FAM83B: variants seen among roughly 807,000 people sequenced by gnomAD.
FAM83B encodes the protein scaffolding CK1 anchoring protein B, also known as protein FAM83B.
A neutral mutation model predicts 38.8 loss-of-function variants in FAM83B; 26 were observed. That is an observed-to-expected ratio of 0.67 (90% CI 0.49 to 0.93). FAM83B has a LOEUF of 0.93. FAM83B is among the 40% of genes least tolerant of loss of function. FAM83B has a pLI of 0.00. For missense variants in FAM83B, 1,237 were observed against 1,197.3 expected (o/e 1.03, Z -0.49); for synonymous variants, 419 against 423.1 (o/e 0.99, Z 0.12).
rs562697899 is a variant in FAM83B, at chr6:54,941,318, C to A, written c.2347C>A (p.Pro783Thr). Residue 783 changes from proline to threonine, a missense_variant, in exon 5 of 5, where the codon CCA becomes ACA. Coordinates refer to ENST00000306858, the MANE Select transcript of FAM83B (RefSeq NM_001010872.3). Reference protein sequence around the residue: ...QKLRSLLSLTPDKKENLSKNK... With the variant: ...QKLRSLLSLTTDKKENLSKNK... Reference sequence around the variant, plus strand: ...GTTAAGGTCATTACTTAGCCTTACCCCAGATAAGAAAGAAAATCTATCCAA... The same window carrying A: ...GTTAAGGTCATTACTTAGCCTTACCACAGATAAGAAAGAAAATCTATCCAA... The A allele has an allele frequency of 6.2e-7, 1 of 1,612,358 alleles. No individual in the cohort carries two copies.
At chr6:54,886,024 G>A (rs775510624) in intron 2 of FAM83B, among the ~76,000 whole-genome samples, 1 of 151,764 alleles carries the variant, frequency 6.6e-6, no homozygotes, top group Non-Finnish European at 1.5e-5. Context: ...TTCTTAAAGA[G>A]TTTTTATCAT....
At position 54,940,518 on chromosome 6, in the gene FAM83B, T is replaced by A; in HGVS notation, c.1547T>A (p.Leu516Ter). The A allele has an allele frequency of 1.9e-6, 3 of 1,614,098 alleles. No homozygotes were observed. In the Admixed American group the frequency reaches 5.0e-5, roughly 27 times the overall value. The change falls in exon 5 of 5, where the codon TTA (leucine) becomes TAA (stop). Residue 516 changes from leucine (L) to a stop codon, truncating the protein, a stop_gained. Coordinates refer to ENST00000306858, the MANE Select transcript of FAM83B (RefSeq NM_001010872.3). LOFTEE classifies it low-confidence loss of function (END_TRUNC). The part of the protein sequence containing the change: ...EATPDSNGSA[L>*]GDRFEGYDNP... ...ACACCGGACTCAAATGGATCAGCTT[T>A]AGGTGACCGATTTGAGGGCTATGAT...
chr6:54,872,341 C>T (rs981925609), intron 2 of FAM83B, among the ~76,000 whole-genome samples: 26 of 151,998 alleles, frequency 1.7e-4, no homozygotes, highest in Non-Finnish European at 3.7e-4. Context: ...TTTTGTAAGG[C>T]AACAGTACAA....
chr6:54,874,564 C>G (rs988019326), intron 2 of FAM83B, among the ~76,000 whole-genome samples: 1 of 152,102 alleles, frequency 6.6e-6, no homozygotes, highest in African/African-American at 2.4e-5. Flanking sequence ...CTGTGAACTC[C>G]TCTTATGAAA....
intron 2 of FAM83B, among the ~76,000 whole-genome samples, chr6:54,900,250 G>A (rs907646605): frequency 6.6e-6 from 1 of 152,100 alleles, no homozygotes; most frequent in African/African-American, 2.4e-5. Flanking sequence ...TTAGATCATT[G>A]TCTTTCAGTG....
chr6:54,854,825 T>A, intron 1 of FAM83B, among the ~76,000 whole-genome samples: 1 of 152,192 alleles, frequency 6.6e-6, no homozygotes, highest in East Asian at 1.9e-4. Context: ...GTAGCTAAAA[T>A]ATAAATACAA....
In FAM83B at chr6:54,941,628, C is replaced by T. The variant is rs147144028; in HGVS notation, c.2657C>T (p.Ala886Val). 3.1e-6 allele frequency: 5 copies of T among 1,614,072 alleles called. No homozygotes were observed. The highest frequency in any genetic ancestry group is 4.2e-6 in the Non-Finnish European group (5 of 1,180,008). Residue 886 changes from alanine to valine, a missense_variant, in exon 5 of 5, where the codon GCC (alanine) becomes GTC (valine). Physicochemically the swap from Ala to Val is moderately conservative, Grantham distance 64. Coordinates refer to ENST00000306858, the MANE Select transcript of FAM83B (RefSeq NM_001010872.3). Reference protein sequence around the residue: ...KFLERAGDASAPRFNTEQIQY... With the variant: ...KFLERAGDASVPRFNTEQIQY... ...TTGGAAAGGGCAGGAGATGCCTCTG[C>T]CCCAAGATTTAACACTGAACAGATC...
At chr6:54,896,683 TG>T (rs1415188914) in intron 2 of FAM83B, among the ~76,000 whole-genome samples, 1 of 152,256 alleles carries the variant, frequency 6.6e-6, no homozygotes, top group African/African-American at 2.4e-5. Context: ...AAATTGTCAA[TG>T]TCTCAGAGTA....
At position 54,944,508 on chromosome 6, in the gene FAM83B, A is replaced by G. The variant is rs1773763320; in HGVS notation, c.*2501A>G. 1 of 152,194 alleles carries G rather than the reference A, an allele frequency of 6.6e-6. No individual in the cohort carries two copies. The highest frequency in any genetic ancestry group is 1.5e-5 in the Non-Finnish European group (1 of 68,036). The allele number at this position is 152,194 out of a possible 1,614,324, so 9.4% of individuals were successfully genotyped here. A position where few individuals can be genotyped will look rare whatever the true frequency, so the allele number is the denominator to read the frequency against. On this transcript the variant is annotated 3_prime_UTR_variant, in exon 5 of 5. Coordinates refer to ENST00000306858, the MANE Select transcript of FAM83B (RefSeq NM_001010872.3). ...GATATCCCTCTATTACAAGTTTGGG[A>G]TTAGCCATAATTCTGACATGGTGTG... is the stretch of plus-strand genomic sequence containing the variant.
Position 54,923,179 on chromosome 6 carries a change from T to C in FAM83B, c.445-3192T>C, listed in dbSNP as rs930567061. ...GTGATGTTTTCATCTGTAACTATAT[T>C]AACATGTATATTTTAAAGATAAGAT... is the stretch of plus-strand genomic sequence containing the variant. On this transcript the variant is annotated intron_variant, in intron 2 of 4. Coordinates refer to ENST00000306858, the MANE Select transcript of FAM83B (RefSeq NM_001010872.3). Among the ~76,000 whole-genome samples, 24 of 152,088 alleles carry C rather than the reference T, an allele frequency of 1.6e-4. 1 individual carries two copies. The highest frequency in any genetic ancestry group is 2.9e-5 in the Non-Finnish European group (2 of 67,998).
chr6:54,870,110 A>G (rs933146096), intron 1 of FAM83B, 77 bp from the exon 2 acceptor site: 2 of 642,484 alleles, frequency 3.1e-6, no homozygotes, highest in Non-Finnish European at 5.4e-6. Context: ...ATGAAAAAAT[A>G]ATAGTTGATA....
At chr6:54,939,518 G>A (rs757925424) in intron 4 of FAM83B, among the ~76,000 whole-genome samples, 188 bp from the exon 5 acceptor site, 23 of 152,086 alleles carry the variant, frequency 1.5e-4, no homozygotes, top group East Asian at 5.8e-4. Context: ...TTTGAGTTGC[G>A]TTGTTATTTA....
chr6:54,848,282 C>A (rs1299412740), intron 1 of FAM83B, among the ~76,000 whole-genome samples: 1 of 152,146 alleles, frequency 6.6e-6, no homozygotes, highest in African/African-American at 2.4e-5. Flanking sequence ...CACCCCCTTG[C>A]CTTTGGGGCT....
At chr6:54,850,391 T>C (rs900524147) in intron 1 of FAM83B, among the ~76,000 whole-genome samples, 1 of 152,218 alleles carries the variant, frequency 6.6e-6, no homozygotes, top group African/African-American at 2.4e-5. Flanking sequence ...GAGAGTATCA[T>C]AAAATAATGT....
rs1365334443 is a variant in FAM83B, at chr6:54,944,693, T to C, written c.*2686T>C. The C allele has an allele frequency of 5.3e-5, 8 of 152,194 alleles. No individual in the cohort carries two copies. The highest frequency in any genetic ancestry group is 1.2e-4 in the Non-Finnish European group (8 of 68,026). The allele number at this position is 152,194 out of a possible 1,614,324, so 9.4% of individuals were successfully genotyped here. On this transcript the variant is annotated 3_prime_UTR_variant, in exon 5 of 5. Transcript: ENST00000306858. The stretch of plus-strand genomic sequence containing the variant: ...ATATTCAAGTATCATTCCACAGATA[T>C]TCACAGAACACAGAAATATCTGTGT...
chr6:54,902,305 C>T (rs1210208325), intron 2 of FAM83B, among the ~76,000 whole-genome samples: 1 of 152,190 alleles, frequency 6.6e-6, no homozygotes, highest in Non-Finnish European at 1.5e-5. Flanking sequence ...CCTCCCTCCT[C>T]AGCCTCCCGA....
chr6:54,940,604 G>C lies in FAM83B; in HGVS notation c.1633G>C (p.Val545Leu). Residue 545 changes from valine (V) to leucine (L), a missense_variant, in exon 5 of 5, where the codon GTA (valine) becomes CTA (leucine). Physicochemically the swap from Val to Leu is conservative, Grantham distance 32 (BLOSUM62 1). Transcript: ENST00000306858. ...TCATTCTCGGCTTCGTTCCTCTTTA[G>C]TATTTAAACCCACTTTACCTGAGCA... Reference protein sequence around the residue: ...YTHSRLRSSLVFKPTLPEQKE... With the variant: ...YTHSRLRSSLLFKPTLPEQKE... 1.9e-6 allele frequency: 3 copies of C among 1,613,986 alleles called. No homozygotes were observed. Among genetic ancestry groups the C allele is most frequent in the Non-Finnish European group, 2.5e-6 (3 of 1,180,002 alleles).
intron 4 of FAM83B, 81 bp downstream of exon 4, chr6:54,927,713 G>C: frequency 1.2e-5 from 3 of 252,330 alleles, no homozygotes; most frequent in Non-Finnish European, 2.0e-5. Context: ...AATCAGTTAA[G>C]CTTTTTCTTA....
intron 2 of FAM83B, among the ~76,000 whole-genome samples, chr6:54,925,447 A>T (rs1180576511): frequency 3.3e-5 from 5 of 152,086 alleles, no homozygotes; most frequent in Admixed American, 3.3e-4. Context: ...CACTTAAATG[A>T]TTTTTCCCCT....
Sources: gnomAD v4.1 joint callset for allele counts (sites outside exome capture counted in the v4.1 genomes callset) on GRCh38, gnomAD v4.1.1 for gene constraint, MANE v1.5 for transcripts, NCBI Gene and HGNC (gene_info 2026-07-23, HGNC 2026-07-21) for gene names.